Variants in ACACB observed in about 807,000 individuals in gnomAD.
ACACB encodes acetyl-CoA carboxylase beta, also known as acetyl-CoA carboxylase 2.
A neutral mutation model predicts 278.8 loss-of-function variants in ACACB; 209 were observed. That is an observed-to-expected ratio of 0.75 (90% CI 0.67 to 0.84). ACACB has a LOEUF of 0.84. Among genes scored for constraint, ACACB ranks in the 40% least tolerant of loss-of-function variants. The probability of loss-of-function intolerance (pLI) is 0.00; values close to 1 mark genes in which losing one functional copy is unlikely to be tolerated. For synonymous variants in ACACB, 1,174 were observed against 1,285.6 expected (o/e 0.91, Z 1.86); for missense variants, 2,850 against 3,269.0 (o/e 0.87, Z 3.13).
At chr12:109,203,174 T>G (rs1468428022) in intron 19 of ACACB, among the ~76,000 whole-genome samples, 1 of 152,222 alleles carries the variant, frequency 6.6e-6, no homozygotes, top group Non-Finnish European at 1.5e-5. Context: ...ATCCATCTGA[T>G]AGCATGTGGC....
At position 109,210,276 on chromosome 12, in the gene ACACB, C is replaced by CACACATGTGTGTATATGTATATAT. The variant is rs1565927710; in HGVS notation, c.3249+928_3249+929insTGTGTGTATATGTATATATACACA. On this transcript the variant is annotated intron_variant, in intron 21 of 52. Transcript: ENST00000338432. ...ACACATGTGTGTATATGTACATATA[C>CACACATGTGTGTATATGTATATAT]ACACACATATCTGTGTGTATATGTA... is the stretch of plus-strand genomic sequence containing the variant. Among the ~76,000 whole-genome samples the CACACATGTGTGTATATGTATATAT allele has an allele frequency of 8.0e-3, 46 of 5,748 alleles. 9 individuals carry two copies. The East Asian group carries it at 0.12, about 16-fold the overall frequency. The allele number at this position is 5,748 out of a possible 152,430, so 3.8% of individuals were successfully genotyped here. A position where few individuals can be genotyped will look rare whatever the true frequency, so the allele number is the denominator to read the frequency against.
chr12:109,261,763 C>T (rs557105026), intron 48 of ACACB, among the ~76,000 whole-genome samples: 37 of 149,344 alleles, frequency 2.5e-4, no homozygotes, highest in African/African-American at 8.6e-4. Flanking sequence ...CCAAGCTGCT[C>T]GGGGGGCTGA....
intron 21 of ACACB, among the ~76,000 whole-genome samples, chr12:109,210,156 CGTGTGT>C (rs1333636513): frequency 4.4e-5 from 2 of 45,098 alleles, no homozygotes; most frequent in Admixed American, 2.1e-4. Context: ...TATATACACA[CGTGTGT>C]ATATGTATAT....
At chr12:109,256,701 C>T (rs972512336) in intron 45 of ACACB, among the ~76,000 whole-genome samples, 19 of 152,192 alleles carry the variant, frequency 1.2e-4, no homozygotes, top group African/African-American at 4.3e-4. Context: ...GAAAGTTCCT[C>T]CTTATAATGA....
At chr12:109,118,034 G>A (rs1336199465) in intron 1 of ACACB, among the ~76,000 whole-genome samples, 1 of 152,210 alleles carries the variant, frequency 6.6e-6, no homozygotes, top group African/African-American at 2.4e-5. Context: ...ACAGGCATGA[G>A]CCACCGCGCC....
At chr12:109,115,711 G>A (rs2042390351), upstream of ACACB, among the ~76,000 whole-genome samples, 2 of 152,228 alleles carry the variant, frequency 1.3e-5, no homozygotes, top group Non-Finnish European at 2.9e-5. Flanking sequence ...TTCAATGACT[G>A]TTCCTTATTG....
At chr12:109,199,046 T>G (rs2045238488) in intron 17 of ACACB, among the ~76,000 whole-genome samples, 1 of 151,778 alleles carries the variant, frequency 6.6e-6, no homozygotes, top group Non-Finnish European at 1.5e-5. Flanking sequence ...AAAAATTAGC[T>G]GGATGTGGTG....
At chr12:109,120,262 C>T (rs1156445943) in intron 1 of ACACB, among the ~76,000 whole-genome samples, 4 of 152,188 alleles carry the variant, frequency 2.6e-5, no homozygotes, top group Non-Finnish European at 5.9e-5. Context: ...CACCAGGCTG[C>T]CTGTGGTTTA....
intron 1 of ACACB, among the ~76,000 whole-genome samples, chr12:109,137,799 T>G (rs973000835): frequency 3.3e-5 from 5 of 152,188 alleles, no homozygotes; most frequent in African/African-American, 1.2e-4. Flanking sequence ...TTTAAAAATT[T>G]TTTTTGAAAT....
intron 1 of ACACB, among the ~76,000 whole-genome samples, chr12:109,127,025 G>C (rs2042697716): frequency 6.6e-6 from 1 of 152,170 alleles, no homozygotes; most frequent in Non-Finnish European, 1.5e-5. Context: ...AGCAGTACTG[G>C]CTGGGATTCC....
intron 2 of ACACB, among the ~76,000 whole-genome samples, chr12:109,156,068 G>A (rs544030205): frequency 1.3e-5 from 2 of 152,308 alleles, no homozygotes; most frequent in South Asian, 2.1e-4. Context: ...TAAAATGTAT[G>A]AATAATCCTC....
intron 28 of ACACB, among the ~76,000 whole-genome samples, chr12:109,230,560 C>T (rs1371581209): frequency 2.0e-5 from 3 of 152,186 alleles, no homozygotes; most frequent in Non-Finnish European, 4.4e-5. Flanking sequence ...GTAGCTGGGA[C>T]CACAGGCTTG....
intron 38 of ACACB, 108 bp from the exon 39 acceptor site, chr12:109,246,071 C>T: frequency 3.8e-6 from 5 of 1,315,760 alleles, no homozygotes; most frequent in Non-Finnish European, 5.1e-6. Flanking sequence ...GCCTGCGCAA[C>T]AGAGCAAGAC....
chr12:109,266,132 G>A (rs1230119123), intron 52 of ACACB, 104 bp from the exon 53 acceptor site: 2 of 1,416,266 alleles, frequency 1.4e-6, no homozygotes, highest in African/African-American at 1.4e-5. Flanking sequence ...GGACTCGGGA[G>A]CTCTGGGTTC....
intron 2 of ACACB, among the ~76,000 whole-genome samples, chr12:109,162,818 A>G (rs559075758): frequency 1.3e-5 from 2 of 152,254 alleles, no homozygotes; most frequent in East Asian, 1.9e-4. Flanking sequence ...CTCACCCTAC[A>G]TTGAGCTCAG....
intron 43 of ACACB, among the ~76,000 whole-genome samples, chr12:109,253,600 G>C (rs2047151927): frequency 6.6e-6 from 1 of 152,180 alleles, no homozygotes; most frequent in African/African-American, 2.4e-5. Context: ...GTGTTATCAT[G>C]ATGATTAAGT....
chr12:109,256,794 A>T (rs975765195), intron 45 of ACACB, among the ~76,000 whole-genome samples: 5 of 152,230 alleles, frequency 3.3e-5, no homozygotes, highest in African/African-American at 1.2e-4. Context: ...ATTAGACCTG[A>T]GGCCAAGCCC....
intron 1 of ACACB, among the ~76,000 whole-genome samples, chr12:109,133,851 ATATATATATATATT>A (rs1314915867): frequency 3.7e-5 from 3 of 80,632 alleles, no homozygotes; most frequent in African/African-American, 1.3e-4. Flanking sequence ...ATATATATAT[ATATATATATATATT>A]TTTTTTTTTT....
At position 109,197,135 on chromosome 12, in the gene ACACB, T is replaced by C. The variant is rs1381853025; in HGVS notation, c.2609T>C (p.Met870Thr). The C allele has an allele frequency of 6.2e-7, 1 of 1,604,666 alleles. No individual in the cohort carries two copies. Among genetic ancestry groups the C allele is most frequent in the African/African-American group, 1.3e-5 (1 of 74,296 alleles). Residue 870 changes from methionine to threonine, a missense_variant, in exon 17 of 53, where the codon ATG becomes ACG. Coordinates refer to ENST00000338432, the MANE Select transcript of ACACB (RefSeq NM_001093.4). ...SYNGNSYTTY[M>T]KEEVDSYRIT... ...AATGGGAACAGCTACACCACCTACA[T>C]GAAGGAAGAGGTTGACAGGTGCGTG...
Sources: allele counts gnomAD v4.1 joint callset (sites outside exome capture counted in the v4.1 genomes callset), GRCh38; gene constraint gnomAD v4.1.1; transcripts MANE v1.5; gene names NCBI Gene and HGNC (gene_info 2026-07-23, HGNC 2026-07-21).